Variants in PTPRM observed in about 807,000 individuals in gnomAD.
PTPRM encodes receptor-type tyrosine-protein phosphatase mu.
Under a neutral mutation model 186.7 loss-of-function variants are expected in PTPRM, and 47 were observed. That is an observed-to-expected ratio of 0.25 (90% CI 0.20 to 0.32). The LOEUF (loss-of-function observed/expected upper bound fraction) is 0.32. PTPRM is among the 10% of genes least tolerant of loss of function. The probability of loss-of-function intolerance (pLI) is 1.00; values close to 1 mark genes in which losing one functional copy is unlikely to be tolerated. For synonymous variants in PTPRM, 668 were observed against 674.9 expected, an observed-to-expected ratio of 0.99 and a Z score of 0.16; for missense variants, 1,494 against 1,865.0, an observed-to-expected ratio of 0.80 and a Z score of 3.66.
At chr18:8,245,849 C>T (rs1428151292) in intron 15 of PTPRM, among the ~76,000 whole-genome samples, 1 of 152,144 alleles carries the variant, frequency 6.6e-6, no homozygotes, top group Non-Finnish European at 1.5e-5. Flanking sequence ...GTTTGAACAA[C>T]AAGAATATTC....
At position 8,088,812 on chromosome 18, in the gene PTPRM, T is replaced by C; in HGVS notation, c.1817T>C (p.Val606Ala). The C allele has an allele frequency of 1.2e-6, 2 of 1,613,028 alleles. No homozygotes were observed. Among genetic ancestry groups the C allele is most frequent in the Non-Finnish European group, 1.7e-6 (2 of 1,179,260 alleles). ...PLNQTDNTVT[V>A]MLKPAHSRGA... The stretch of plus-strand genomic sequence containing the variant: ...AATCAAACTGACAATACCGTGACAG[T>C]CATGCTGAAACCTGCCCACAGCAGA... Residue 606 changes from valine (V) to alanine (A), a missense_variant, in exon 11 of 33, where the codon GTC becomes GCC. Physicochemically the swap from Val to Ala is moderately conservative, Grantham distance 64. Coordinates refer to ENST00000580170, the MANE Select transcript of PTPRM (RefSeq NM_001105244.2).
chr18:7,915,292 A>G (rs536906515), intron 4 of PTPRM, among the ~76,000 whole-genome samples: 1 of 152,300 alleles, frequency 6.6e-6, no homozygotes, highest in Non-Finnish European at 1.5e-5. Context: ...TTTAGAAGAA[A>G]GCTGGCATAG....
At position 7,645,783 on chromosome 18, in the gene PTPRM, A is replaced by G. The variant is rs553010375; in HGVS notation, c.73+77892A>G. ...GAGTGACACTGTAGAAGAATAGACCATGTAGCAACCCTGATAATCTCCTCA... is the reference window on the plus strand; with the variant it reads ...GAGTGACACTGTAGAAGAATAGACCGTGTAGCAACCCTGATAATCTCCTCA... On this transcript the variant is annotated intron_variant, in intron 1 of 32. Coordinates refer to ENST00000580170, the MANE Select transcript of PTPRM (RefSeq NM_001105244.2). 4.6e-5 allele frequency among the ~76,000 whole-genome samples: 7 copies of G among 152,318 alleles called. 1 individual carries two copies. The East Asian group carries it at 1.2e-3, about 25-fold the overall frequency.
intron 2 of PTPRM, among the ~76,000 whole-genome samples, chr18:7,796,383 C>T (rs1416659936): frequency 6.6e-6 from 1 of 152,138 alleles, no homozygotes; most frequent in South Asian, 2.1e-4. Context: ...AAACAAAAAT[C>T]ACTTGCATTA....
intron 14 of PTPRM, among the ~76,000 whole-genome samples, chr18:8,233,957 C>A (rs2094316162): frequency 6.6e-6 from 1 of 152,098 alleles, no homozygotes; most frequent in Admixed American, 6.5e-5. Flanking sequence ...TCTTTCTGTT[C>A]TCTCTCTTCT....
At chr18:8,396,153 G>A (rs529988281) in intron 32 of PTPRM, among the ~76,000 whole-genome samples, 7 of 152,322 alleles carry the variant, frequency 4.6e-5, no homozygotes, top group South Asian at 4.1e-4. Flanking sequence ...GAGTTCTACC[G>A]CCATGGAATT....
In PTPRM at chr18:7,567,994, G is replaced by A. The variant is rs990039588; in HGVS notation, c.73+103G>A. 7 of 1,139,626 alleles carry A rather than the reference G, an allele frequency of 6.1e-6. No individual in the cohort carries two copies. The highest frequency in any genetic ancestry group is 4.2e-5 in the Admixed American group (1 of 23,810). 70.6% of individuals were successfully genotyped at this position (1,139,626 alleles called of 1,614,324 possible). On this transcript the variant is annotated intron_variant, in intron 1 of 32. Coordinates refer to ENST00000580170, the MANE Select transcript of PTPRM (RefSeq NM_001105244.2). The surrounding 1 kb of genome is among the most constrained non-coding windows in gnomAD (Gnocchi z 4.3). ...GGTAGAGCCCTAAGGCTGGCGTCGGGGCCGGGCGGGGGGCGCGGCGGGCCG... is the reference window on the plus strand; with the variant it reads ...GGTAGAGCCCTAAGGCTGGCGTCGGAGCCGGGCGGGGGGCGCGGCGGGCCG...
chr18:8,263,009 C>A (rs2094650973), intron 19 of PTPRM, among the ~76,000 whole-genome samples: 1 of 152,190 alleles, frequency 6.6e-6, no homozygotes, highest in Non-Finnish European at 1.5e-5. Context: ...TATGGACCAA[C>A]TTGAACCTGA....
intron 2 of PTPRM, among the ~76,000 whole-genome samples, chr18:7,849,911 G>A (rs1160796133): frequency 1.3e-5 from 2 of 152,176 alleles, no homozygotes; most frequent in East Asian, 3.8e-4. Flanking sequence ...TTTAATACTA[G>A]TAATCATAAT....
At chr18:7,764,773 A>G (rs1598580749) in intron 1 of PTPRM, among the ~76,000 whole-genome samples, 1 of 152,238 alleles carries the variant, frequency 6.6e-6, no homozygotes, top group African/African-American at 2.4e-5. Flanking sequence ...AGATCAGGTC[A>G]TAAATACTGA....
chr18:8,272,736 G>A (rs1184929770), intron 19 of PTPRM, among the ~76,000 whole-genome samples: 2 of 151,966 alleles, frequency 1.3e-5, no homozygotes, highest in Non-Finnish European at 2.9e-5. Context: ...AATATTTTAT[G>A]TATTCTTAAA....
chr18:7,900,203 A>G (rs1720096439), intron 3 of PTPRM, among the ~76,000 whole-genome samples: 1 of 152,248 alleles, frequency 6.6e-6, no homozygotes, highest in African/African-American at 2.4e-5. Flanking sequence ...CTGCTGTTGT[A>G]TGAAAGCAGC....
chr18:8,382,636 T>C (rs1031245863), intron 29 of PTPRM, among the ~76,000 whole-genome samples: 1 of 152,226 alleles, frequency 6.6e-6, no homozygotes, highest in African/African-American at 2.4e-5. Context: ...TCAGCATAGC[T>C]AACATAAAAG....
At chr18:8,129,563 C>T (rs1396630079) in intron 13 of PTPRM, among the ~76,000 whole-genome samples, 1 of 152,162 alleles carries the variant, frequency 6.6e-6, no homozygotes. Flanking sequence ...AGGCAAATGG[C>T]TGTGTTGTAC....
At chr18:7,676,420 C>G (rs1265539119) in intron 1 of PTPRM, among the ~76,000 whole-genome samples, 4 of 152,002 alleles carry the variant, frequency 2.6e-5, no homozygotes, top group African/African-American at 9.7e-5. Flanking sequence ...TGTCCTTTGG[C>G]CTGACTTATA....
chr18:8,231,096 C>A (rs948598901), intron 14 of PTPRM, among the ~76,000 whole-genome samples: 1 of 152,174 alleles, frequency 6.6e-6, no homozygotes, highest in Admixed American at 6.5e-5. Flanking sequence ...GTTTTGCTAT[C>A]CCTGTAGTAT....
chr18:8,239,453 G>A (rs2094391292), intron 14 of PTPRM, among the ~76,000 whole-genome samples: 1 of 151,988 alleles, frequency 6.6e-6, no homozygotes, highest in Non-Finnish European at 1.5e-5. Context: ...ACCTGGTAGG[G>A]TTCCTGGAGG....
chr18:7,949,033 T>A, intron 5 of PTPRM, 148 bp from the exon 6 acceptor site: 1 of 656,724 alleles, frequency 1.5e-6, no homozygotes, highest in Non-Finnish European at 2.4e-6. Context: ...GCTCAGCTAT[T>A]CTCCTGGTAC....
At chr18:8,321,815 G>C (rs1180265228) in intron 22 of PTPRM, among the ~76,000 whole-genome samples, 1 of 152,134 alleles carries the variant, frequency 6.6e-6, no homozygotes, top group Non-Finnish European at 1.5e-5. Context: ...ATCATATTAA[G>C]AATAATACAT....
Sources: gnomAD v4.1 joint callset for allele counts (sites outside exome capture counted in the v4.1 genomes callset) on GRCh38, gnomAD v4.1.1 for gene constraint, Gnocchi (gnomAD v3.1) non-coding constraint, MANE v1.5 for transcripts, NCBI Gene and HGNC (gene_info 2026-07-23, HGNC 2026-07-21) for gene names.